The following CCNYL1 variants were observed in gnomAD, a reference collection of about 807,000 sequenced individuals.
CCNYL1 encodes cyclin Y like 1, also known as cyclin-Y-like protein 1.
CCNYL1 carries 16 observed loss-of-function variants against 44.2 expected under a neutral mutation model. The ratio of observed to expected loss-of-function variants is 0.36; its 90% CI spans 0.25 to 0.55. CCNYL1 has a LOEUF of 0.55. Ranked by LOEUF, CCNYL1 falls within the 20% of genes least tolerant of loss-of-function variation. The pLI is 0.85. For missense variants in CCNYL1, 348 were observed against 451.8 expected, an observed-to-expected ratio of 0.77 and a Z score of 2.08; for synonymous variants, 159 against 163.2, an observed-to-expected ratio of 0.97 and a Z score of 0.20.
chr2:207,741,298 A>G (rs1179415085), intron 6 of CCNYL1, among the ~76,000 whole-genome samples: 1 of 152,124 alleles, frequency 6.6e-6, no homozygotes, highest in Non-Finnish European at 1.5e-5. Context: ...ATCCTAACAT[A>G]TGATTAGTAA....
At chr2:207,725,676 A>C (rs1189878731) in intron 2 of CCNYL1, among the ~76,000 whole-genome samples, 1 of 152,176 alleles carries the variant, frequency 6.6e-6, no homozygotes, top group Non-Finnish European at 1.5e-5. Flanking sequence ...TTTCCATCCT[A>C]ATGTAGTGTA....
chr2:207,752,953 C>T (rs1306000371), intron 9 of CCNYL1, among the ~76,000 whole-genome samples: 4 of 151,620 alleles, frequency 2.6e-5, no homozygotes, highest in Non-Finnish European at 5.9e-5. Flanking sequence ...GCAGGAGAAT[C>T]GCTTGAACCT....
chr2:207,729,882 AT>A (rs77714154), intron 3 of CCNYL1, among the ~76,000 whole-genome samples: 23,431 of 145,720 alleles, frequency 0.16, 2,966 homozygotes, highest in East Asian at 0.39. Flanking sequence ...CGCCTGGCTA[AT>A]TTTTTTTTTT....
chr2:207,712,250 G>C (rs1379804097), intron 1 of CCNYL1, 134 bp downstream of exon 1: 1 of 664,206 alleles, frequency 1.5e-6, no homozygotes, highest in African/African-American at 1.9e-5. Context: ...GGCTGGTTCT[G>C]CCTCGCGTCC....
At chr2:207,740,264 C>G (rs951286638) in intron 5 of CCNYL1, among the ~76,000 whole-genome samples, 3 of 152,174 alleles carry the variant, frequency 2.0e-5, no homozygotes, top group Non-Finnish European at 4.4e-5. Context: ...CCTGGGAAAT[C>G]TGAATTTCAT....
At chr2:207,750,936 G>C in intron 8 of CCNYL1, 21 bp from the exon 9 acceptor site, 2 of 1,610,548 alleles carry the variant, frequency 1.2e-6, no homozygotes, top group Non-Finnish European at 1.7e-6. Context: ...TGCTGGTTCT[G>C]TTGTGTTCTT....
intron 1 of CCNYL1, among the ~76,000 whole-genome samples, chr2:207,713,274 G>C (rs1177528647): frequency 6.6e-6 from 1 of 152,192 alleles, no homozygotes; most frequent in African/African-American, 2.4e-5. Context: ...TTTCAAAAGA[G>C]ACAAAGTATA....
Position 207,747,130 on chromosome 2 carries a change from T to G in CCNYL1, c.723T>G (p.Leu241=). ...NWKRIVLGAI[L]LASKVWDDQA... is the part of the protein sequence containing the mutation. ...AAAGGATTGTTCTGGGAGCCATTCT[T>G]CTTGCCTCCAAGGTTTGGGACGATC... Residue 241 remains leucine (L), a synonymous_variant, in exon 8 of 10, where the codon CTT becomes CTG. Transcript: ENST00000295414. 3.1e-6 allele frequency: 5 copies of G among 1,614,102 alleles called. No homozygotes were observed. Among genetic ancestry groups the G allele is most frequent in the Non-Finnish European group, 4.2e-6 (5 of 1,179,936 alleles).
chr2:207,743,395 G>A (rs773315225), intron 7 of CCNYL1, among the ~76,000 whole-genome samples: 3 of 152,178 alleles, frequency 2.0e-5, no homozygotes, highest in Non-Finnish European at 4.4e-5. Flanking sequence ...ATGAATCTGA[G>A]CTTAGAGGTA....
At chr2:207,745,381 T>A (rs1306526721) in intron 7 of CCNYL1, among the ~76,000 whole-genome samples, 1 of 152,148 alleles carries the variant, frequency 6.6e-6, no homozygotes, top group Non-Finnish European at 1.5e-5. Flanking sequence ...GTGGTATCAG[T>A]GAGCATCAGC....
chr2:207,732,622 G>C (rs1221163666), intron 3 of CCNYL1, among the ~76,000 whole-genome samples: 2 of 151,742 alleles, frequency 1.3e-5, no homozygotes, highest in African/African-American at 4.8e-5. Context: ...AAAATTATTA[G>C]TATTCTGTGG....
intron 7 of CCNYL1, among the ~76,000 whole-genome samples, chr2:207,742,604 A>G (rs1390255351): frequency 6.6e-6 from 1 of 152,198 alleles, no homozygotes; most frequent in Non-Finnish European, 1.5e-5. Context: ...ATCAATGCAC[A>G]TGTACACATT....
rs1283281913 is a variant in CCNYL1 at position 207,711,925 on chromosome 2, C to A, written c.29C>A (p.Ser10Tyr). MGNTLTCCV[S>Y]PNASPKLGRR... ...GGGAACACGCTGACCTGTTGCGTGTCCCCCAATGCCAGCCCCAAGCTGGGC... is the reference window on the plus strand; with the variant it reads ...GGGAACACGCTGACCTGTTGCGTGTACCCCAATGCCAGCCCCAAGCTGGGC... Residue 10 changes from serine to tyrosine, a missense_variant, in exon 1 of 10, where the codon TCC (serine) becomes TAC (tyrosine). Physicochemically the swap from Ser to Tyr is moderately radical, Grantham distance 144. Coordinates refer to ENST00000295414, the MANE Select transcript of CCNYL1 (RefSeq NM_001330218.2). The A allele has an allele frequency of 7.2e-7, 1 of 1,396,332 alleles. No homozygotes were observed. Among genetic ancestry groups the A allele is most frequent in the Non-Finnish European group, 9.3e-7 (1 of 1,072,552 alleles). The allele number at this position is 1,396,332 out of a possible 1,614,324, so 86.5% of individuals were successfully genotyped here. A position where few individuals can be genotyped will look rare whatever the true frequency, so the allele number is the denominator to read the frequency against.
At chr2:207,722,342 G>A (rs920537034) in intron 1 of CCNYL1, among the ~76,000 whole-genome samples, 3 of 151,794 alleles carry the variant, frequency 2.0e-5, no homozygotes, top group African/African-American at 7.3e-5. Context: ...CAAAGTATTG[G>A]GATTACAGGC....
chr2:207,723,158 TTGAG>T (rs2091654132), intron 1 of CCNYL1, among the ~76,000 whole-genome samples: 1 of 152,176 alleles, frequency 6.6e-6, no homozygotes, highest in Non-Finnish European at 1.5e-5. Flanking sequence ...TTTAAAAAAG[TTGAG>T]TGAAGGACTT....
At chr2:207,753,238 A>C (rs952687559) in intron 9 of CCNYL1, among the ~76,000 whole-genome samples, 2 of 152,096 alleles carry the variant, frequency 1.3e-5, no homozygotes, top group Non-Finnish European at 2.9e-5. Flanking sequence ...TTTTTTGCAC[A>C]AGTGTACGTT....
Position 207,727,964 on chromosome 2 carries a change from C to CT in CCNYL1, c.330+1104dup, listed in dbSNP as rs535485306. On this transcript the variant is annotated intron_variant, in intron 3 of 9. Coordinates refer to ENST00000295414, the MANE Select transcript of CCNYL1 (RefSeq NM_001330218.2). ...CTCCCCTATTTCTTTCTCTCTCTCT[C>CT]TTTTTTTTTTTTTTTTGAGACAAAG... 7.2e-3 allele frequency among the ~76,000 whole-genome samples: 1,009 copies of CT among 140,982 alleles called. 7 individuals carry two copies. The highest frequency in any genetic ancestry group is 0.015 in the Middle Eastern group (4 of 266). 92.5% of individuals were successfully genotyped at this position (140,982 alleles called of 152,430 possible). A position where few individuals can be genotyped will look rare whatever the true frequency, so the allele number is the denominator to read the frequency against.
chr2:207,736,697 T>A (rs905019322), intron 4 of CCNYL1, among the ~76,000 whole-genome samples: 3 of 152,188 alleles, frequency 2.0e-5, no homozygotes, highest in African/African-American at 7.2e-5. Context: ...GGGTAGGTGA[T>A]AGTTAATTAA....
At chr2:207,752,529 T>G (rs1391888303) in intron 9 of CCNYL1, among the ~76,000 whole-genome samples, 2 of 144,802 alleles carry the variant, frequency 1.4e-5, no homozygotes, top group Admixed American at 1.3e-4. Context: ...GCAAGACCCT[T>G]GTCTCAAAAA....
Sources: gnomAD v4.1 joint callset for allele counts (sites outside exome capture counted in the v4.1 genomes callset) on GRCh38, gnomAD v4.1.1 for gene constraint, MANE v1.5 for transcripts, NCBI Gene and HGNC (gene_info 2026-07-23, HGNC 2026-07-21) for gene names.